The following POLR3H variants were observed in gnomAD, a reference collection of about 807,000 sequenced individuals.
The protein encoded by POLR3H is RNA polymerase III subunit H, also known as DNA-directed RNA polymerase III subunit RPC8.
Under a neutral mutation model 25.5 loss-of-function variants are expected in POLR3H, and 17 were observed. The ratio of observed to expected loss-of-function variants is 0.67; its 90% CI spans 0.46 to 1.00. POLR3H has a LOEUF of 1.00. Ranked by LOEUF, POLR3H falls within the 50% of genes least tolerant of loss-of-function variation. POLR3H has a pLI of 0.00. For missense variants in POLR3H, 274 were observed against 265.0 expected (o/e 1.03, Z -0.24); for synonymous variants, 129 against 103.0 (o/e 1.25, Z -1.53).
At chr22:41,540,854 C>T (rs142795860) in intron 1 of POLR3H, 59 bp from the exon 2 acceptor site, 7 of 1,330,468 alleles carry the variant, frequency 5.3e-6, no homozygotes, top group Middle Eastern at 1.9e-4. Context: ...ACCACAGGCC[C>T]AGCTCCCAGG....
chr22:41,544,093 G>A lies in POLR3H; in HGVS notation c.9C>T (p.Val3=). 2.5e-6 allele frequency: 4 copies of A among 1,610,868 alleles called. No individual in the cohort carries two copies. The highest frequency in any genetic ancestry group is 2.5e-6 in the Non-Finnish European group (3 of 1,177,278). Residue 3 remains valine (V), a synonymous_variant, in exon 1 of 6, where the codon GTC becomes GTT. Transcript: ENST00000355209. ...GGACGGTGTCCACCATTTCCACCAG[G>A]ACGAACATCCCGGCCTGCGCTGGGG... MF[V]LVEMVDTVRI...
rs114103190 is a variant in POLR3H at position 41,536,543 on chromosome 22, A to G, written c.209-3798T>C. Among the ~76,000 whole-genome samples the G allele has an allele frequency of 8.9e-3, 1,359 of 151,952 alleles. 18 individuals carry two copies. Among genetic ancestry groups the G allele is most frequent in the African/African-American group, 0.031 (1,274 of 41,444 alleles). On this transcript the variant is annotated intron_variant, in intron 2 of 5. Transcript: ENST00000355209. ...TTACCACAATAGAAAAAAATGAAAT[A>G]AATGATAAACATGTCAAAAAAGGTT...
chr22:41,542,426 C>T (rs1285363752), intron 1 of POLR3H, among the ~76,000 whole-genome samples: 1 of 152,002 alleles, frequency 6.6e-6, no homozygotes, highest in Non-Finnish European at 1.5e-5. Flanking sequence ...CCAGTTCCTG[C>T]CTTCAGGGCT....
In POLR3H at chr22:41,526,745, A is replaced by G; in HGVS notation, c.*2538T>C. On this transcript the variant is annotated 3_prime_UTR_variant, in exon 6 of 6. Transcript: ENST00000355209. ...GAAGGGGGCCGACTCAGGAAGTCAG[A>G]GGCCAAAAGCTCAGAGAGGGGGCTA... 1 of 383,874 alleles carries G rather than the reference A, an allele frequency of 2.6e-6. No homozygotes were observed. The highest frequency in any genetic ancestry group is 4.7e-6 in the Non-Finnish European group (1 of 210,848). The allele number at this position is 383,874 out of a possible 1,614,324, so 23.8% of individuals were successfully genotyped here.
rs73420816 is a variant in POLR3H at position 41,529,262 on chromosome 22, G to A, written c.*21C>T. On this transcript the variant is annotated 3_prime_UTR_variant, in exon 6 of 6. Transcript: ENST00000355209. ...TACCACCTTCCCGCAGGCTGGTAGG[G>A]TCCACTGTCCAGCCCCAGGGCTAGT... The A allele has an allele frequency of 2.9e-3, 4,591 of 1,608,156 alleles. 140 individuals are homozygous for A. The African/African-American group carries it at 0.056, about 19-fold the overall frequency.
chr22:41,543,039 A>G (rs1435578167), intron 1 of POLR3H, among the ~76,000 whole-genome samples: 1 of 152,116 alleles, frequency 6.6e-6, no homozygotes, highest in Admixed American at 6.6e-5. Flanking sequence ...ATTATGGGAC[A>G]TCTACTCCCG....
rs2066644460 is a variant in POLR3H at position 41,528,206 on chromosome 22, C to G, written c.*1077G>C. The G allele has an allele frequency of 1.0e-6, 1 of 973,380 alleles. No homozygotes were observed. 60.3% of individuals were successfully genotyped at this position (973,380 alleles called of 1,614,324 possible). On this transcript the variant is annotated 3_prime_UTR_variant, in exon 6 of 6. Coordinates refer to ENST00000355209, the MANE Select transcript of POLR3H (RefSeq NM_001018050.4). ...CTCAGAGTTGGGGGTTGGAGTCAAC[C>G]CGGGGCCCTCACACCTCCCCAACCT...
chr22:41,528,636 C>T lies in POLR3H; in HGVS notation c.*647G>A, dbSNP rs199609927. On this transcript the variant is annotated 3_prime_UTR_variant, in exon 6 of 6. Transcript: ENST00000355209. ...TGAGGGCAGTGCCTCCCCGCCCCGCCGCTGGCGTCAAGTTCAGCTCCACGT... is the reference window on the plus strand; with the variant it reads ...TGAGGGCAGTGCCTCCCCGCCCCGCTGCTGGCGTCAAGTTCAGCTCCACGT... 9.3e-5 allele frequency: 149 copies of T among 1,607,522 alleles called. No individual in the cohort carries two copies. Among genetic ancestry groups the T allele is most frequent in the Non-Finnish European group, 1.1e-4 (133 of 1,178,160 alleles).
chr22:41,540,291 A>G, intron 2 of POLR3H: 1 of 343,802 alleles, frequency 2.9e-6, no homozygotes, highest in East Asian at 7.7e-5. Flanking sequence ...GCACAGACAC[A>G]GAGCTATGAA....
At position 41,543,978 on chromosome 22, in the gene POLR3H, G is replaced by T. The variant is rs1274899810; in HGVS notation, c.111+13C>A. The T allele has an allele frequency of 3.8e-6, 6 of 1,597,368 alleles. No homozygotes were observed. The highest frequency in any genetic ancestry group is 5.1e-6 in the Non-Finnish European group (6 of 1,165,328). Reference sequence around the variant, plus strand: ...CCACGCCAAGGCCTGCCCGCGAGCCGTGGGCCCAGTACCTTGTTGGCCAAC... The same window carrying T: ...CCACGCCAAGGCCTGCCCGCGAGCCTTGGGCCCAGTACCTTGTTGGCCAAC... On this transcript the variant is annotated intron_variant, in intron 1 of 5. Transcript: ENST00000355209.
chr22:41,529,977 A>C (rs11703078), intron 5 of POLR3H, among the ~76,000 whole-genome samples: 215 of 151,790 alleles, frequency 1.4e-3, no homozygotes, highest in African/African-American at 4.3e-3. Flanking sequence ...GGATGGTCTC[A>C]ATCTCCTGAC....
In POLR3H at chr22:41,528,050, G is replaced by A. The variant is rs1400800847; in HGVS notation, c.*1233C>T. ...TAGGGGCCCGGGTCCCCCTGAGGTG[G>A]TGGGGTGAGGGGCAGCCACCTTGTT... On this transcript the variant is annotated 3_prime_UTR_variant, in exon 6 of 6. Coordinates refer to ENST00000355209, the MANE Select transcript of POLR3H (RefSeq NM_001018050.4). The A allele has an allele frequency of 6.2e-7, 1 of 1,613,804 alleles. No individual in the cohort carries two copies.
Position 41,529,297 on chromosome 22 carries a change from A to G in POLR3H, c.601T>C (p.Trp201Arg). ...CAGCCCCAGGGCTAGTTGCTGGTCC[A>G]CCAGGAGAGAAGGCCCAGGCCTGGC... is the stretch of plus-strand genomic sequence containing the variant. ...SEPGLGLLSW[W>R]TSN The change falls in exon 6 of 6, where the codon TGG (tryptophan) becomes CGG (arginine). Residue 201 changes from tryptophan to arginine, a missense_variant. Coordinates refer to ENST00000355209, the MANE Select transcript of POLR3H (RefSeq NM_001018050.4). 3 of 1,613,686 alleles carry G rather than the reference A, an allele frequency of 1.9e-6. No homozygotes were observed. Among genetic ancestry groups the G allele is most frequent in the Non-Finnish European group, 2.5e-6 (3 of 1,179,902 alleles).
At position 41,529,040 on chromosome 22, in the gene POLR3H, C is replaced by T. The variant is rs1047335124; in HGVS notation, c.*243G>A. On this transcript the variant is annotated 3_prime_UTR_variant, in exon 6 of 6. Transcript: ENST00000355209. ...GTCAAGTCCAGGGTCCAGGAAGGGT[C>T]TTTTCAGTCAAGGTCAGTGGAGGCC... 5.3e-6 allele frequency: 3 copies of T among 566,322 alleles called. No homozygotes were observed. Among genetic ancestry groups the T allele is most frequent in the Non-Finnish European group, 9.4e-6 (3 of 319,510 alleles). 35.1% of individuals were successfully genotyped at this position (566,322 alleles called of 1,614,324 possible).
Position 41,529,351 on chromosome 22 carries a change from G to A in POLR3H, c.562-15C>T. On this transcript the variant is annotated splice_polypyrimidine_tract_variant and intron_variant, in intron 5 of 5. Coordinates refer to ENST00000355209, the MANE Select transcript of POLR3H (RefSeq NM_001018050.4). ...CTGATGGATCCCTGCCAGGGATAAA[G>A]AACACGCACATTTCACTGACATGCT... 6.2e-7 allele frequency: 1 copy of A among 1,613,064 alleles called. No homozygotes were observed. The highest frequency in any genetic ancestry group is 2.2e-5 in the East Asian group (1 of 44,874).
In POLR3H at chr22:41,526,654, G is replaced by T; in HGVS notation, c.*2629C>A. 5.7e-6 allele frequency: 3 copies of T among 529,110 alleles called. No individual in the cohort carries two copies. Among genetic ancestry groups the T allele is most frequent in the Non-Finnish European group, 6.6e-6 (2 of 303,542 alleles). 32.8% of individuals were successfully genotyped at this position (529,110 alleles called of 1,614,324 possible). ...GAGGCCCAGGTCCGGTGGTACAGCC[G>T]GGTCCCTGCACCAGGAGGAGTTAGT... On this transcript the variant is annotated 3_prime_UTR_variant, in exon 6 of 6. Transcript: ENST00000355209.
At chr22:41,538,253 C>T (rs975460759) in intron 2 of POLR3H, among the ~76,000 whole-genome samples, 1 of 151,920 alleles carries the variant, frequency 6.6e-6, no homozygotes, top group Non-Finnish European at 1.5e-5. Flanking sequence ...CCTGCCTCAG[C>T]CTCCTGAGTA....
In POLR3H at chr22:41,528,753, GAGT is replaced by G; in HGVS notation, c.*527_*529del. The G allele has an allele frequency of 8.0e-7, 1 of 1,255,286 alleles. No individual in the cohort carries two copies. The highest frequency in any genetic ancestry group is 1.6e-5 in the South Asian group (1 of 64,386). 77.8% of individuals were successfully genotyped at this position (1,255,286 alleles called of 1,614,324 possible). Reference sequence around the variant, plus strand: ...CTTCCTGCTCCCCGCTTAGCCCACGGAGTGACTGTGGTTGTGGTGGGGGGGTTC... The same window carrying G: ...CTTCCTGCTCCCCGCTTAGCCCACGGGACTGTGGTTGTGGTGGGGGGGTTC... On this transcript the variant is annotated 3_prime_UTR_variant, in exon 6 of 6. Coordinates refer to ENST00000355209, the MANE Select transcript of POLR3H (RefSeq NM_001018050.4).
chr22:41,529,215 C>T lies in POLR3H; in HGVS notation c.*68G>A, dbSNP rs2066669577. 2 of 1,386,516 alleles carry T rather than the reference C, an allele frequency of 1.4e-6. No homozygotes were observed. The highest frequency in any genetic ancestry group is 2.8e-5 in the African/African-American group (2 of 70,524). 85.9% of individuals were successfully genotyped at this position (1,386,516 alleles called of 1,614,324 possible). On this transcript the variant is annotated 3_prime_UTR_variant, in exon 6 of 6. Transcript: ENST00000355209. ...ATCTCCTTAGCATCGGCCTCAGCTGCTGTTGTCTTCACAGCCGGCCATACC... is the reference window on the plus strand; with the variant it reads ...ATCTCCTTAGCATCGGCCTCAGCTGTTGTTGTCTTCACAGCCGGCCATACC...
Sources: allele counts gnomAD v4.1 joint callset (sites outside exome capture counted in the v4.1 genomes callset), GRCh38; gene constraint gnomAD v4.1.1; transcripts MANE v1.5; gene names NCBI Gene and HGNC (gene_info 2026-07-23, HGNC 2026-07-21).